The following PIWIL4 variants were observed in gnomAD, a reference collection of about 807,000 sequenced individuals.
PIWIL4 encodes piwi like RNA-mediated gene silencing 4.
Under a neutral mutation model 100.9 loss-of-function variants are expected in PIWIL4, and 50 were observed. The observed-to-expected ratio is 0.50, with a 90% CI of 0.39 to 0.63. The LOEUF is 0.63. Ranked by LOEUF, PIWIL4 falls within the 20% of genes least tolerant of loss-of-function variation. The pLI, the probability that PIWIL4 is intolerant of heterozygous loss-of-function variation, is 0.00. For missense variants in PIWIL4, 887 were observed against 1,043.3 expected (o/e 0.85, Z 2.06); for synonymous variants, 342 against 367.5 (o/e 0.93, Z 0.79).
chr11:94,601,791 T>G lies in PIWIL4; in HGVS notation c.1381-4T>G, dbSNP rs1252499170. ...AATCCTTTCATGATCATTATTTTTC[T>G]CAGTGTCAACCTGTGTCTGCTGCTG... On this transcript the variant is annotated splice_region_variant and splice_polypyrimidine_tract_variant and intron_variant, in intron 11 of 19. Coordinates refer to ENST00000299001, the MANE Select transcript of PIWIL4 (RefSeq NM_152431.3). 6.2e-7 allele frequency: 1 copy of G among 1,612,194 alleles called. No homozygotes were observed. The highest frequency in any genetic ancestry group is 8.5e-7 in the Non-Finnish European group (1 of 1,179,208).
chr11:94,587,867 G>A (rs1261630799), intron 7 of PIWIL4, among the ~76,000 whole-genome samples: 1 of 152,144 alleles, frequency 6.6e-6, no homozygotes, highest in East Asian at 1.9e-4. Context: ...ATTGCACATT[G>A]AGCTGAGTTA....
At chr11:94,586,296 T>C (rs1948397315) in intron 6 of PIWIL4, among the ~76,000 whole-genome samples, 1 of 152,130 alleles carries the variant, frequency 6.6e-6, no homozygotes, top group South Asian at 2.1e-4. Flanking sequence ...GCTCAGCACA[T>C]ATGCCTGTCC....
chr11:94,605,859 C>T (rs886195207), intron 13 of PIWIL4, among the ~76,000 whole-genome samples: 2 of 152,114 alleles, frequency 1.3e-5, no homozygotes, highest in Non-Finnish European at 2.9e-5. Context: ...CAGTGGGATT[C>T]CCCTTCAAGC....
At chr11:94,618,134 T>C in intron 17 of PIWIL4, 27 bp downstream of exon 17, 4 of 1,526,868 alleles carry the variant, frequency 2.6e-6, no homozygotes, top group Non-Finnish European at 3.5e-6. Context: ...CTTTCCTCCA[T>C]ACTCCCAATT....
chr11:94,575,478 C>A (rs1948224853), intron 3 of PIWIL4, among the ~76,000 whole-genome samples: 1 of 152,150 alleles, frequency 6.6e-6, no homozygotes, highest in African/African-American at 2.4e-5. Flanking sequence ...TTGGGGGATT[C>A]TTTACCCAGA....
chr11:94,589,088 A>C, intron 7 of PIWIL4, 33 bp from the exon 8 acceptor site: 1 of 1,523,272 alleles, frequency 6.6e-7, no homozygotes, highest in Admixed American at 1.7e-5. Context: ...TAGATGATTA[A>C]AAAACAATTT....
At chr11:94,586,120 G>A (rs1227088121) in intron 6 of PIWIL4, among the ~76,000 whole-genome samples, 1 of 151,620 alleles carries the variant, frequency 6.6e-6, no homozygotes, top group African/African-American at 2.4e-5. Context: ...AATGGGAGTA[G>A]GGTGTTTGGC....
intron 2 of PIWIL4, among the ~76,000 whole-genome samples, chr11:94,569,678 G>A (rs146990637): frequency 4.2e-4 from 64 of 152,198 alleles, no homozygotes; most frequent in African/African-American, 1.5e-3. Flanking sequence ...GCCCCCGGGC[G>A]GCGGCCATTA....
intron 12 of PIWIL4, among the ~76,000 whole-genome samples, chr11:94,603,378 G>A (rs2135286035): frequency 1.3e-5 from 2 of 152,316 alleles, no homozygotes; most frequent in East Asian, 3.9e-4. Context: ...TCCTATGTGT[G>A]TGAGAATTAC....
intron 3 of PIWIL4, among the ~76,000 whole-genome samples, chr11:94,576,721 A>C (rs1352147120): frequency 6.6e-6 from 1 of 152,220 alleles, no homozygotes; most frequent in Admixed American, 6.5e-5. Flanking sequence ...GAAAAATGAC[A>C]GTTCCTTCCT....
chr11:94,573,586 T>C (rs1422441908), intron 2 of PIWIL4, among the ~76,000 whole-genome samples: 1 of 152,210 alleles, frequency 6.6e-6, no homozygotes, highest in African/African-American at 2.4e-5. Flanking sequence ...TGTGATGGAT[T>C]ACGTTTATTG....
rs866286659 is a variant in PIWIL4 at position 94,620,142 on chromosome 11, C to T, written c.2440C>T (p.Pro814Ser). 6.3e-7 allele frequency: 1 copy of T among 1,585,008 alleles called. No individual in the cohort carries two copies. The highest frequency in any genetic ancestry group is 8.6e-7 in the Non-Finnish European group (1 of 1,166,194). ...ATTGTGCCACCTGTACTACAACTGG[C>T]CGGTGAGTGAAAGCTGTTTACTTAA... ...FKLCHLYYNW[P>S]GIVSVPAPCQ... is the part of the protein sequence containing the mutation. The change falls in exon 19 of 20, where the codon CCG becomes TCG. Residue 814 changes from proline (P) to serine (S), a missense_variant and splice_region_variant. Around this residue, in one of 2 missense-constraint regions of PIWIL4, gnomAD observed 741 missense variants for 930.0 expected, o/e 0.80. Transcript: ENST00000299001.
chr11:94,615,134 G>A (rs1462952995), intron 15 of PIWIL4, among the ~76,000 whole-genome samples: 1 of 152,060 alleles, frequency 6.6e-6, no homozygotes, highest in Non-Finnish European at 1.5e-5. Context: ...AGAGCAGTCA[G>A]TAGGGTTTGC....
chr11:94,593,213 C>T (rs1377104856), intron 8 of PIWIL4, among the ~76,000 whole-genome samples: 1 of 152,080 alleles, frequency 6.6e-6, no homozygotes, highest in Non-Finnish European at 1.5e-5. Flanking sequence ...TGAGTCAGTC[C>T]CAGTGATGTC....
At chr11:94,580,912 T>TG (rs1948303410) in intron 4 of PIWIL4, among the ~76,000 whole-genome samples, 3 of 144,198 alleles carry the variant, frequency 2.1e-5, no homozygotes, top group African/African-American at 7.6e-5. Context: ...TTTTTTTTTT[T>TG]TTGGAGAAGG....
intron 4 of PIWIL4, among the ~76,000 whole-genome samples, chr11:94,583,044 A>ATATGTG (rs375649763): frequency 2.2e-5 from 3 of 133,792 alleles, no homozygotes; most frequent in Admixed American, 7.4e-5. Context: ...ATATATATAT[A>ATATGTG]TGTGTGTGTG....
At chr11:94,570,339 G>T (rs1565267741) in intron 2 of PIWIL4, among the ~76,000 whole-genome samples, 1 of 151,780 alleles carries the variant, frequency 6.6e-6, no homozygotes, top group Non-Finnish European at 1.5e-5. Context: ...TTTCTTCTGA[G>T]GACCCTCTCC....
At chr11:94,620,683 T>G (rs1948895939) in intron 19 of PIWIL4, among the ~76,000 whole-genome samples, 193 bp from the exon 20 acceptor site, 1 of 152,010 alleles carries the variant, frequency 6.6e-6, no homozygotes, top group Non-Finnish European at 1.5e-5. Context: ...CAGAGTGACT[T>G]TTCACTCCAT....
chr11:94,567,508 T>A lies in PIWIL4; in HGVS notation c.-11T>A. 6.4e-7 allele frequency: 1 copy of A among 1,573,758 alleles called. No homozygotes were observed. On this transcript the variant is annotated 5_prime_UTR_variant, in exon 1 of 20. Coordinates refer to ENST00000299001, the MANE Select transcript of PIWIL4 (RefSeq NM_152431.3). ...TGCAGCTCTTGTGGCCACTCTGGGC[T>A]CACCGGGAACATGAGTGGAAGAGCC...
Sources: gnomAD v4.1 joint callset for allele counts (sites outside exome capture counted in the v4.1 genomes callset) on GRCh38, gnomAD v4.1.1 for gene constraint, gnomAD v4.1.1 regional missense constraint, MANE v1.5 for transcripts, NCBI Gene and HGNC (gene_info 2026-07-23, HGNC 2026-07-21) for gene names.